Variants in GLIS3 observed in about 807,000 individuals in gnomAD.
GLIS3 encodes the protein GLIS family zinc finger 3.
In GLIS3, 53 loss-of-function variants were observed where a neutral mutation model predicts 78.6. That is an observed-to-expected ratio of 0.67 (90% confidence interval 0.54 to 0.85). GLIS3 has a LOEUF of 0.85. GLIS3 is among the 40% of genes least tolerant of loss of function. The pLI is 0.00. For synonymous variants in GLIS3, 684 were observed against 509.9 expected (o/e 1.34, Z -4.60); for missense variants, 1,703 against 1,231.1 (o/e 1.38, Z -5.74).
At chr9:4,015,804 G>A (rs1462941612) in intron 4 of GLIS3, among the ~76,000 whole-genome samples, 2 of 148,504 alleles carry the variant, frequency 1.3e-5, no homozygotes, top group African/African-American at 5.0e-5. Context: ...CAGGAGAACT[G>A]CTTGAACCCA....
chr9:3,849,687 C>T (rs1477413332), intron 9 of GLIS3, among the ~76,000 whole-genome samples: 1 of 152,084 alleles, frequency 6.6e-6, no homozygotes, highest in Non-Finnish European at 1.5e-5. Flanking sequence ...GCGGGTGGAT[C>T]ACTTGAGGTC....
At chr9:4,072,467 T>C (rs183782052) in intron 4 of GLIS3, among the ~76,000 whole-genome samples, 3 of 152,364 alleles carry the variant, frequency 2.0e-5, no homozygotes, top group East Asian at 1.9e-4. Flanking sequence ...CTTTAATCTA[T>C]GCATAACACT....
chr9:4,145,372 A>C (rs12339132), intron 2 of GLIS3, among the ~76,000 whole-genome samples: 45,557 of 152,136 alleles, frequency 0.3, 6,975 homozygotes, highest in Admixed American at 0.35. Context: ...AGGTGGTTCA[A>C]TTGTGTGTGT....
chr9:4,300,003 G>A lies in GLIS3; in HGVS notation c.-681C>T, dbSNP rs138857227. 4,501 of 152,314 alleles carry A rather than the reference G, an allele frequency of 0.03. 146 individuals carry two copies. The highest frequency in any genetic ancestry group is 0.098 in the Admixed American group (1,492 of 15,278). 9.4% of individuals were successfully genotyped at this position (152,314 alleles called of 1,614,324 possible). ...CGGGCGGCGCAGTGTGGACGCGGCT[G>A]CAGGGAGAGGGGAAGGGGGAAGAGG... On this transcript the variant is annotated 5_prime_UTR_variant, in exon 1 of 11. Coordinates refer to ENST00000381971, the MANE Select transcript of GLIS3 (RefSeq NM_001042413.2).
At chr9:4,462,226 G>T in the GLIS3 span, among the ~76,000 whole-genome samples, 2 of 152,154 alleles carry the variant, frequency 1.3e-5, no homozygotes, top group South Asian at 2.1e-4. Context: ...ACTATTCAAT[G>T]TATGATCTGT....
chr9:4,241,498 T>C lies in GLIS3; in HGVS notation c.388+44540A>G, dbSNP rs73382308. 5.0e-3 allele frequency among the ~76,000 whole-genome samples: 760 copies of C among 152,266 alleles called. 7 individuals are homozygous for C. Among genetic ancestry groups the C allele is most frequent in the African/African-American group, 0.018 (731 of 41,550 alleles). ...ACCTTAAAGACAATACTTGAGGTGATGTACACCCCAACTACACCCCAACTA... is the reference window on the plus strand; with the variant it reads ...ACCTTAAAGACAATACTTGAGGTGACGTACACCCCAACTACACCCCAACTA... On this transcript the variant is annotated intron_variant, in intron 2 of 10. Transcript: ENST00000381971.
At chr9:4,465,295 C>A in the GLIS3 span, among the ~76,000 whole-genome samples, 3 of 152,226 alleles carry the variant, frequency 2.0e-5, no homozygotes, top group African/African-American at 4.8e-5. Flanking sequence ...TGCCTGTAAT[C>A]CCGGCACTTT....
At chr9:4,141,173 C>A (rs1041151068) in intron 2 of GLIS3, among the ~76,000 whole-genome samples, 6 of 152,120 alleles carry the variant, frequency 3.9e-5, no homozygotes, top group African/African-American at 1.4e-4. Context: ...CTGAAGGTGG[C>A]AGAGCCTTCT....
chr9:4,169,837 T>C (rs563891982), intron 2 of GLIS3, among the ~76,000 whole-genome samples: 3 of 152,072 alleles, frequency 2.0e-5, no homozygotes, highest in Admixed American at 6.6e-5. Flanking sequence ...GTTCTTGCAG[T>C]TTTTTTTGTT....
At chr9:4,431,844 G>GAA in the GLIS3 span, among the ~76,000 whole-genome samples, 54 of 73,022 alleles carry the variant, frequency 7.4e-4, no homozygotes, top group African/African-American at 2.8e-3. Flanking sequence ...AACTCCATCT[G>GAA]AAAAAAAAAA....
the GLIS3 span, among the ~76,000 whole-genome samples, chr9:4,403,000 A>G: frequency 6.6e-6 from 1 of 152,350 alleles, no homozygotes; most frequent in Non-Finnish European, 1.5e-5. Context: ...AACCCAAAGA[A>G]GACTACTTCA....
At chr9:4,023,652 C>T (rs1416304147) in intron 4 of GLIS3, among the ~76,000 whole-genome samples, 1 of 152,170 alleles carries the variant, frequency 6.6e-6, no homozygotes, top group Non-Finnish European at 1.5e-5. Flanking sequence ...AGGTTTTCTA[C>T]AAGACAAAGG....
chr9:4,488,027 G>A, the GLIS3 span, among the ~76,000 whole-genome samples: 1 of 152,120 alleles, frequency 6.6e-6, no homozygotes, highest in African/African-American at 2.4e-5. Context: ...AAAGATAGAA[G>A]GCAAAGATGA....
At position 4,041,654 on chromosome 9, in the gene GLIS3, T is replaced by C. The variant is rs142473327; in HGVS notation, c.1710+76114A>G. 1.2e-3 allele frequency among the ~76,000 whole-genome samples: 186 copies of C among 152,304 alleles called. 2 individuals carry two copies. The highest frequency in any genetic ancestry group is 4.2e-3 in the African/African-American group (173 of 41,574). Reference sequence around the variant, plus strand: ...GTGAGACAAAGTAACAAATGTAAGATGGCATGTTTTATTTCTGTTCTCTGG... The same window carrying C: ...GTGAGACAAAGTAACAAATGTAAGACGGCATGTTTTATTTCTGTTCTCTGG... On this transcript the variant is annotated intron_variant, in intron 4 of 10. Coordinates refer to ENST00000381971, the MANE Select transcript of GLIS3 (RefSeq NM_001042413.2).
At chr9:4,433,318 G>C in the GLIS3 span, among the ~76,000 whole-genome samples, 2 of 152,108 alleles carry the variant, frequency 1.3e-5, no homozygotes, top group Non-Finnish European at 2.9e-5. Context: ...TGTAGTCCCA[G>C]CTACTTGGGA....
the GLIS3 span, among the ~76,000 whole-genome samples, chr9:4,410,064 A>T: frequency 6.6e-6 from 1 of 151,926 alleles, no homozygotes; most frequent in Non-Finnish European, 1.5e-5. Context: ...TCTGCCTCCC[A>T]GATTCAAGTG....
chr9:4,008,637 C>T (rs998652602), intron 4 of GLIS3, among the ~76,000 whole-genome samples: 2 of 152,146 alleles, frequency 1.3e-5, no homozygotes, highest in African/African-American at 4.8e-5. Flanking sequence ...CATCTCCCCA[C>T]CTAGACTGTG....
intron 8 of GLIS3, among the ~76,000 whole-genome samples, chr9:3,868,011 T>C (rs1820713814): frequency 6.6e-6 from 1 of 151,662 alleles, no homozygotes; most frequent in Non-Finnish European, 1.5e-5. Flanking sequence ...ATGACATGGA[T>C]GTCAACATGC....
chr9:4,363,962 A>T, the GLIS3 span, among the ~76,000 whole-genome samples: 1 of 152,172 alleles, frequency 6.6e-6, no homozygotes, highest in East Asian at 1.9e-4. Context: ...TACAAAAGAG[A>T]TTTCAAGAGT....
Sources: gnomAD v4.1 joint callset for allele counts (sites outside exome capture counted in the v4.1 genomes callset) on GRCh38, gnomAD v4.1.1 for gene constraint, MANE v1.5 for transcripts, NCBI Gene and HGNC (gene_info 2026-07-23, HGNC 2026-07-21) for gene names.